Variants in FRMPD4 observed in about 807,000 individuals in gnomAD.
FRMPD4 encodes FERM and PDZ domain containing 4.
In FRMPD4, 22 loss-of-function variants were observed where a neutral mutation model predicts 94.1. The ratio of observed to expected loss-of-function variants is 0.23; its 90% CI spans 0.17 to 0.33. The LOEUF (loss-of-function observed/expected upper bound fraction) is 0.33. FRMPD4 is among the 10% of genes least tolerant of loss of function. The pLI, the probability that FRMPD4 is intolerant of heterozygous loss-of-function variation, is 1.00. For synonymous variants in FRMPD4, 631 were observed against 548.6 expected, an observed-to-expected ratio of 1.15 and a Z score of -2.10; for missense variants, 1,111 against 1,339.9, an observed-to-expected ratio of 0.83 and a Z score of 2.67.
At chrX:12,708,242 C>A (rs1185312334) in intron 13 of FRMPD4, among the ~76,000 whole-genome samples, 2 of 110,500 alleles carry the variant, frequency 1.8e-5, no homozygotes, top group African/African-American at 3.3e-5. Flanking sequence ...GAGGCCGAGG[C>A]GGGCGGATCA....
chrX:11,871,200 G>A (rs1174590805), intron 2 of FRMPD4, among the ~76,000 whole-genome samples: 1 of 112,598 alleles, frequency 8.9e-6, no homozygotes, highest in Non-Finnish European at 1.9e-5. Context: ...TCTGAAGTTT[G>A]TTCTTACCTA....
intron 1 of FRMPD4, among the ~76,000 whole-genome samples, chrX:12,467,305 C>G (rs769444457): frequency 8.9e-6 from 1 of 111,737 alleles, no homozygotes; most frequent in East Asian, 2.8e-4. Context: ...TGCAATAGAG[C>G]TTGTTAATCA....
intron 11 of FRMPD4, among the ~76,000 whole-genome samples, chrX:12,706,098 T>TTA (rs879584154): frequency 5.4e-5 from 6 of 110,599 alleles, no homozygotes; most frequent in African/African-American, 2.0e-4. Flanking sequence ...TTTTTTTTTT[T>TTA]AAATCAAATA....
chrX:12,647,155 C>T (rs1000971331), intron 4 of FRMPD4, among the ~76,000 whole-genome samples: 5 of 112,183 alleles, frequency 4.5e-5, no homozygotes, highest in Middle Eastern at 4.6e-3. Flanking sequence ...TGACTTAACA[C>T]GTTCCCTATG....
At chrX:12,261,532 A>G (rs770894472) in intron 1 of FRMPD4, among the ~76,000 whole-genome samples, 2 of 112,029 alleles carry the variant, frequency 1.8e-5, no homozygotes, top group African/African-American at 3.2e-5. Flanking sequence ...ACTGCCAAAC[A>G]TTATTTTGGT....
chrX:12,024,298 C>T (rs2054647852), intron 3 of FRMPD4, among the ~76,000 whole-genome samples: 1 of 111,987 alleles, frequency 8.9e-6, no homozygotes, highest in Non-Finnish European at 1.9e-5. Flanking sequence ...CATACATACT[C>T]ATGCATGTAC....
intron 1 of FRMPD4, among the ~76,000 whole-genome samples, chrX:12,479,891 G>A (rs747179407): frequency 9.1e-6 from 1 of 110,141 alleles, no homozygotes; most frequent in East Asian, 2.9e-4. Flanking sequence ...CTTTGCAGAG[G>A]CTAGGGGAGA....
chrX:12,158,931 A>G (rs2055979397), intron 1 of FRMPD4, among the ~76,000 whole-genome samples: 1 of 111,842 alleles, frequency 8.9e-6, no homozygotes, highest in African/African-American at 3.3e-5. Context: ...TAACCCCTAC[A>G]TTTGGCAGAG....
chrX:12,258,254 G>A (rs2054141046), intron 1 of FRMPD4, among the ~76,000 whole-genome samples: 1 of 111,349 alleles, frequency 9.0e-6, no homozygotes, highest in Admixed American at 9.6e-5. Flanking sequence ...TTGAGAGGTA[G>A]GACCTTTAAG....
At chrX:12,450,863 C>A (rs868090630) in intron 1 of FRMPD4, among the ~76,000 whole-genome samples, 88 of 49,347 alleles carry the variant, frequency 1.8e-3, no homozygotes, top group African/African-American at 2.7e-3. Context: ...TCTATTTATC[C>A]AAAAAAAAAA....
At chrX:12,316,347 T>C (rs1264326205) in intron 1 of FRMPD4, among the ~76,000 whole-genome samples, 1 of 109,771 alleles carries the variant, frequency 9.1e-6, no homozygotes, top group Non-Finnish European at 1.9e-5. Context: ...GAGACGAGGT[T>C]TCACCATGTT....
chrX:12,308,559 T>C (rs1384440071), intron 1 of FRMPD4, among the ~76,000 whole-genome samples: 1 of 111,491 alleles, frequency 9.0e-6, no homozygotes, highest in African/African-American at 3.3e-5. Context: ...AATTGAATGG[T>C]ATAATAAGCT....
At chrX:12,508,362 T>G (rs1414977064) in intron 2 of FRMPD4, among the ~76,000 whole-genome samples, 1 of 110,670 alleles carries the variant, frequency 9.0e-6, no homozygotes, top group Non-Finnish European at 1.9e-5. Flanking sequence ...CCCAAAAGGG[T>G]AAAGGATTAA....
intron 2 of FRMPD4, among the ~76,000 whole-genome samples, chrX:12,594,243 T>C (rs954291980): frequency 1.8e-5 from 2 of 111,427 alleles, no homozygotes; most frequent in East Asian, 5.6e-4. Context: ...GGTTTCACAT[T>C]ATGCTTAGAA....
chrX:12,576,537 CT>C (rs2058813512), intron 2 of FRMPD4, among the ~76,000 whole-genome samples: 1 of 112,749 alleles, frequency 8.9e-6, no homozygotes, highest in Non-Finnish European at 1.9e-5. Context: ...ACCTGCCAGT[CT>C]TTTCTTTCAA....
chrX:12,679,307 AG>A (rs2059938794), intron 5 of FRMPD4, among the ~76,000 whole-genome samples: 1 of 111,154 alleles, frequency 9.0e-6, no homozygotes, highest in Non-Finnish European at 1.9e-5. Flanking sequence ...GGGAAAAAGA[AG>A]TTTTTTTTAT....
At chrX:12,528,775 C>T (rs897100534) in intron 2 of FRMPD4, among the ~76,000 whole-genome samples, 14 of 111,907 alleles carry the variant, frequency 1.3e-4, no homozygotes, top group Admixed American at 4.7e-4. Context: ...TCATCTTGAC[C>T]GTTGTTCCAA....
intron 1 of FRMPD4, among the ~76,000 whole-genome samples, chrX:12,239,349 A>C (rs916434113): frequency 8.9e-6 from 1 of 112,399 alleles, no homozygotes; most frequent in African/African-American, 3.2e-5. Flanking sequence ...TGTCACAAAA[A>C]CTCAGATGGG....
chrX:12,433,885 T>C (rs2148111392), intron 1 of FRMPD4, among the ~76,000 whole-genome samples: 1 of 111,337 alleles, frequency 9.0e-6, no homozygotes, highest in South Asian at 3.9e-4. Flanking sequence ...CTCAGCTGGG[T>C]TTTCAATATG....
Sources: gnomAD v4.1 joint callset for allele counts (sites outside exome capture counted in the v4.1 genomes callset) on GRCh38, gnomAD v4.1.1 for gene constraint, MANE v1.5 for transcripts, NCBI Gene and HGNC (gene_info 2026-07-23, HGNC 2026-07-21) for gene names.